STARD13: variants seen among roughly 807,000 people sequenced by gnomAD.
STARD13 encodes the protein stAR-related lipid transfer protein 13.
STARD13 carries 62 observed loss-of-function variants against 106.4 expected under a neutral mutation model. The ratio of observed to expected loss-of-function variants is 0.58; its 90% CI spans 0.48 to 0.72. The LOEUF (loss-of-function observed/expected upper bound fraction) is 0.72. Ranked by LOEUF, STARD13 falls within the 30% of genes least tolerant of loss-of-function variation. The pLI is 0.00. For synonymous variants in STARD13, 565 were observed against 553.0 expected, an observed-to-expected ratio of 1.02 and a Z score of -0.31; for missense variants, 1,387 against 1,424.0, an observed-to-expected ratio of 0.97 and a Z score of 0.42.
chr13:33,596,902 G>T, the STARD13 span, among the ~76,000 whole-genome samples: 1 of 152,252 alleles, frequency 6.6e-6, no homozygotes, highest in African/African-American at 2.4e-5. Context: ...ATGCCATTGT[G>T]TATATATATC....
chr13:33,641,753 T>C, the STARD13 span, among the ~76,000 whole-genome samples: 4 of 152,310 alleles, frequency 2.6e-5, no homozygotes, highest in African/African-American at 7.2e-5. Flanking sequence ...CTGATTATTA[T>C]TCTCATTTGT....
chr13:33,189,884 C>A (rs1310023491), intron 1 of STARD13, among the ~76,000 whole-genome samples: 1 of 152,040 alleles, frequency 6.6e-6, no homozygotes. Flanking sequence ...CAGCATCTTA[C>A]TTTCAACTGC....
the STARD13 span, among the ~76,000 whole-genome samples, chr13:33,439,314 T>C: frequency 6.6e-6 from 1 of 152,258 alleles, no homozygotes. Context: ...ATATATGCCT[T>C]ATTTTCAAGA....
chr13:33,132,925 T>A (rs944724333), intron 4 of STARD13, among the ~76,000 whole-genome samples: 1 of 152,120 alleles, frequency 6.6e-6, no homozygotes, highest in Non-Finnish European at 1.5e-5. Flanking sequence ...CATATGAGGG[T>A]CATTTATACA....
chr13:33,378,026 G>A, the STARD13 span, among the ~76,000 whole-genome samples: 1 of 152,194 alleles, frequency 6.6e-6, no homozygotes, highest in East Asian at 1.9e-4. Context: ...CTGGGACAAT[G>A]CTGGTATTAG....
At chr13:33,239,437 T>G (rs942251032) in intron 1 of STARD13, among the ~76,000 whole-genome samples, 14 of 152,168 alleles carry the variant, frequency 9.2e-5, no homozygotes, top group Non-Finnish European at 1.5e-4. Flanking sequence ...TTTATAATCT[T>G]TTTTAGGAAC....
intron 1 of STARD13, among the ~76,000 whole-genome samples, chr13:33,281,968 G>T (rs1403036315): frequency 4.6e-5 from 7 of 151,950 alleles, no homozygotes; most frequent in African/African-American, 1.7e-4. Context: ...TTTAAAAATG[G>T]TTAAGATGGC....
At chr13:33,610,601 T>A in the STARD13 span, among the ~76,000 whole-genome samples, 1 of 152,210 alleles carries the variant, frequency 6.6e-6, no homozygotes, top group African/African-American at 2.4e-5. Context: ...CCGCTTTGCC[T>A]TCAACTCCCA....
chr13:33,305,753 A>G (rs937797300), intron 1 of STARD13, among the ~76,000 whole-genome samples: 10 of 152,194 alleles, frequency 6.6e-5, no homozygotes, highest in African/African-American at 2.2e-4. Flanking sequence ...GGTAGATCCT[A>G]TATCTACTAA....
intron 1 of STARD13, among the ~76,000 whole-genome samples, chr13:33,237,637 C>T (rs1397976471): frequency 6.6e-6 from 1 of 152,128 alleles, no homozygotes; most frequent in Non-Finnish European, 1.5e-5. Flanking sequence ...CAGTGTGATC[C>T]CTTGATTAAA....
At chr13:33,653,437 C>A in the STARD13 span, among the ~76,000 whole-genome samples, 1 of 152,068 alleles carries the variant, frequency 6.6e-6, no homozygotes, top group Non-Finnish European at 1.5e-5. Context: ...GAAAGAAAAG[C>A]CTTTTCAACA....
chr13:33,391,098 T>C, the STARD13 span, among the ~76,000 whole-genome samples: 1 of 152,128 alleles, frequency 6.6e-6, no homozygotes, highest in African/African-American at 2.4e-5. Context: ...CAAGAAAACA[T>C]CATTAATTAT....
chr13:33,183,125 T>C (rs927402081), intron 1 of STARD13, among the ~76,000 whole-genome samples: 2 of 152,244 alleles, frequency 1.3e-5, no homozygotes, highest in African/African-American at 4.8e-5. Context: ...GGCTCTTCTC[T>C]GGACTTTCAC....
chr13:33,189,482 G>A (rs1886083359), intron 1 of STARD13, among the ~76,000 whole-genome samples: 1 of 147,738 alleles, frequency 6.8e-6, no homozygotes, highest in South Asian at 2.2e-4. Context: ...TCTCTGGTTT[G>A]TCGTCCTTTC....
At chr13:33,273,992 G>A (rs1319263997) in intron 1 of STARD13, 1 of 151,740 alleles carries the variant, frequency 6.6e-6, no homozygotes, top group Non-Finnish European at 1.5e-5. Context: ...TACTAATATC[G>A]ATCTTCAAGG....
the STARD13 span, among the ~76,000 whole-genome samples, chr13:33,527,387 A>G: frequency 2.0e-5 from 3 of 152,232 alleles, no homozygotes; most frequent in Admixed American, 6.5e-5. Flanking sequence ...GTAATAGTCT[A>G]CTACAGTCAA....
chr13:33,539,566 G>C, the STARD13 span, among the ~76,000 whole-genome samples: 1 of 152,170 alleles, frequency 6.6e-6, no homozygotes, highest in Non-Finnish European at 1.5e-5. Flanking sequence ...AAATTGAATA[G>C]AATAGAAATT....
intron 1 of STARD13, among the ~76,000 whole-genome samples, chr13:33,223,996 CA>C (rs1488381310): frequency 6.6e-6 from 1 of 152,096 alleles, no homozygotes; most frequent in Non-Finnish European, 1.5e-5. Context: ...CAGTTGATTA[CA>C]GTAGGGGAGG....
At chr13:33,542,094 A>G in the STARD13 span, among the ~76,000 whole-genome samples, 1 of 152,242 alleles carries the variant, frequency 6.6e-6, no homozygotes, top group African/African-American at 2.4e-5. Context: ...AAAAGTTTAA[A>G]AAACACGAAG....
Sources: allele counts gnomAD v4.1 joint callset (sites outside exome capture counted in the v4.1 genomes callset), GRCh38; gene constraint gnomAD v4.1.1; transcripts MANE v1.5; gene names NCBI Gene and HGNC (gene_info 2026-07-23, HGNC 2026-07-21).